The following ASTN2 variants were observed in gnomAD, a reference collection of about 807,000 sequenced individuals.
ASTN2 encodes astrotactin 2.
In ASTN2, 54 loss-of-function variants were observed where a neutral mutation model predicts 139.8. The ratio of observed to expected loss-of-function variants is 0.39; its 90% CI spans 0.31 to 0.48. ASTN2 has a LOEUF of 0.48. ASTN2 is among the 20% of genes least tolerant of loss of function. ASTN2 has a pLI of 0.95. For synonymous variants in ASTN2, 756 were observed against 719.5 expected (o/e 1.05, Z -0.81); for missense variants, 1,565 against 1,725.1 (o/e 0.91, Z 1.64).
At chr9:117,217,293 T>G (rs1489436643) in intron 2 of ASTN2, among the ~76,000 whole-genome samples, 1 of 152,210 alleles carries the variant, frequency 6.6e-6, no homozygotes, top group East Asian at 1.9e-4. Flanking sequence ...CCCTCTGTCT[T>G]CTCAACTTTG....
At chr9:117,120,485 C>G (rs1829530657) in intron 4 of ASTN2, among the ~76,000 whole-genome samples, 1 of 152,110 alleles carries the variant, frequency 6.6e-6, no homozygotes, top group South Asian at 2.1e-4. Context: ...GAGGAACATC[C>G]AGACATTTCA....
intron 6 of ASTN2, among the ~76,000 whole-genome samples, chr9:117,024,429 T>A (rs566658078): frequency 2.0e-5 from 3 of 152,098 alleles, no homozygotes; most frequent in Non-Finnish European, 4.4e-5. Flanking sequence ...AAGTTATTGT[T>A]AAAAGTATCC....
At chr9:116,510,518 G>GT (rs756943472) in intron 19 of ASTN2, among the ~76,000 whole-genome samples, 4 of 152,148 alleles carry the variant, frequency 2.6e-5, no homozygotes, top group African/African-American at 7.2e-5. Context: ...CTTTAAAGTA[G>GT]TTTTTTCCAA....
intron 20 of ASTN2, among the ~76,000 whole-genome samples, chr9:116,448,161 G>A (rs1244051007): frequency 6.6e-6 from 1 of 152,202 alleles, no homozygotes; most frequent in African/African-American, 2.4e-5. Flanking sequence ...AAGTCTCCTC[G>A]CTGATTTGAA....
At chr9:116,970,362 C>T (rs1836154714) in intron 10 of ASTN2, among the ~76,000 whole-genome samples, 1 of 152,128 alleles carries the variant, frequency 6.6e-6, no homozygotes, top group Non-Finnish European at 1.5e-5. Flanking sequence ...CCAGGGAATA[C>T]ACTTTGAAAA....
At chr9:117,131,097 A>C (rs999545168) in intron 4 of ASTN2, among the ~76,000 whole-genome samples, 1 of 152,242 alleles carries the variant, frequency 6.6e-6, no homozygotes, top group East Asian at 1.9e-4. Context: ...TATTTTGTTA[A>C]ATTTCACCAA....
At chr9:116,493,656 T>G (rs1005397330) in intron 19 of ASTN2, among the ~76,000 whole-genome samples, 1 of 151,782 alleles carries the variant, frequency 6.6e-6, no homozygotes, top group African/African-American at 2.4e-5. Flanking sequence ...TTGTTTCCCC[T>G]CTCTCTCTCT....
chr9:116,509,791 G>C (rs1486228264), intron 19 of ASTN2, among the ~76,000 whole-genome samples: 3 of 152,150 alleles, frequency 2.0e-5, no homozygotes, highest in African/African-American at 7.2e-5. Context: ...GTGTCTGTAG[G>C]CTGCATAAAT....
At chr9:116,609,445 A>C (rs1588076390) in intron 19 of ASTN2, among the ~76,000 whole-genome samples, 2 of 147,852 alleles carry the variant, frequency 1.4e-5, no homozygotes, top group East Asian at 4.0e-4. Context: ...TTATAATTTG[A>C]AGCAATGCAA....
chr9:116,499,976 T>C (rs1409836921), intron 19 of ASTN2, among the ~76,000 whole-genome samples: 1 of 152,162 alleles, frequency 6.6e-6, no homozygotes, highest in South Asian at 2.1e-4. Flanking sequence ...GCAACCCACC[T>C]AACTCCTGTT....
intron 7 of ASTN2, among the ~76,000 whole-genome samples, chr9:117,001,900 G>A (rs1240161233): frequency 6.6e-6 from 1 of 152,082 alleles, no homozygotes; most frequent in East Asian, 1.9e-4. Flanking sequence ...TAAGAATATT[G>A]TGCAATTTGT....
At chr9:116,426,234 G>T in intron 22 of ASTN2, 146 bp from the exon 23 acceptor site, 1 of 1,026,114 alleles carries the variant, frequency 9.7e-7, no homozygotes, top group Non-Finnish European at 1.4e-6. Flanking sequence ...TTCAAACACT[G>T]ATTCAAAAAT....
At chr9:116,827,009 C>T (rs1444809220) in intron 11 of ASTN2, among the ~76,000 whole-genome samples, 1 of 151,950 alleles carries the variant, frequency 6.6e-6, no homozygotes, top group Admixed American at 6.6e-5. Context: ...AATATCACAC[C>T]TGAAAGAACT....
chr9:117,368,690 C>G (rs1199590489), intron 1 of ASTN2, among the ~76,000 whole-genome samples: 1 of 151,984 alleles, frequency 6.6e-6, no homozygotes, highest in East Asian at 1.9e-4. Context: ...TCCAGGGGAC[C>G]AGAATAACAA....
chr9:116,795,709 C>T (rs889111556), intron 13 of ASTN2, among the ~76,000 whole-genome samples: 1 of 152,108 alleles, frequency 6.6e-6, no homozygotes, highest in Non-Finnish European at 1.5e-5. Context: ...GAAAAAAAAC[C>T]CATCTTCATC....
chr9:117,406,931 G>A (rs1457877876), intron 1 of ASTN2, among the ~76,000 whole-genome samples: 1 of 151,240 alleles, frequency 6.6e-6, no homozygotes, highest in African/African-American at 2.4e-5. Flanking sequence ...TCTGAATGCA[G>A]AGATCTTTGT....
chr9:117,328,087 C>T (rs576713402), intron 1 of ASTN2, among the ~76,000 whole-genome samples: 2 of 152,140 alleles, frequency 1.3e-5, no homozygotes, highest in Admixed American at 6.5e-5. Flanking sequence ...ATTCTTAGAT[C>T]AGGATTCTGA....
At chr9:116,482,806 G>A (rs7858153) in intron 20 of ASTN2, among the ~76,000 whole-genome samples, 31,345 of 152,162 alleles carry the variant, frequency 0.21, 3,342 homozygotes, top group Middle Eastern at 0.24. Flanking sequence ...ACAGTCCCCA[G>A]GCTCCCTTGG....
chr9:116,768,868 C>T (rs535990834), intron 13 of ASTN2, among the ~76,000 whole-genome samples: 5 of 152,264 alleles, frequency 3.3e-5, no homozygotes, highest in African/African-American at 1.2e-4. Context: ...TATGGGAGCA[C>T]AAATGAATTA....
Sources: allele counts gnomAD v4.1 joint callset (sites outside exome capture counted in the v4.1 genomes callset), GRCh38; gene constraint gnomAD v4.1.1; transcripts MANE v1.5; gene names NCBI Gene and HGNC (gene_info 2026-07-23, HGNC 2026-07-21).